The following CFAP99 variants were observed in gnomAD, a reference collection of about 807,000 sequenced individuals.
The protein encoded by CFAP99 is cilia- and flagella-associated protein 99.
CFAP99 carries 84 observed loss-of-function variants against 82.7 expected under a neutral mutation model. The ratio of observed to expected loss-of-function variants is 1.02; its 90% CI spans 0.85 to 1.22. The LOEUF is 1.22. CFAP99 is among the 50% of genes most tolerant of loss of function. The pLI, the probability that CFAP99 is intolerant of heterozygous loss-of-function variation, is 0.00. For synonymous variants in CFAP99, 456 were observed against 429.5 expected (o/e 1.06, Z -0.76); for missense variants, 1,059 against 983.5 (o/e 1.08, Z -1.03).
chr4:2,452,509 C>A (rs1049872499), intron 11 of CFAP99, among the ~76,000 whole-genome samples, 163 bp downstream of exon 11: 1 of 152,188 alleles, frequency 6.6e-6, no homozygotes, highest in South Asian at 2.1e-4. Context: ...GAAGGACACA[C>A]TGCCTAGGTG....
At chr4:2,441,379 A>G (rs937795968) in intron 4 of CFAP99, among the ~76,000 whole-genome samples, 8 of 151,798 alleles carry the variant, frequency 5.3e-5, no homozygotes, top group Non-Finnish European at 1.0e-4. Context: ...TCTCAAAAAA[A>G]AAAAAAAAAA....
In CFAP99 at chr4:2,462,706, G is replaced by A; in HGVS notation, c.1925G>A (p.Trp642Ter). Residue 642 changes from tryptophan (W) to a stop codon, truncating the protein, a stop_gained, in exon 15 of 15, where the codon TGG (tryptophan) becomes TAG (stop). Coordinates refer to ENST00000635017, the Ensembl canonical transcript of CFAP99. LOFTEE classifies it low-confidence loss of function (END_TRUNC). This position sits in a 1 kb window ranked among gnomAD's most constrained non-coding sequence, Gnocchi z 4.1. ...GGGACCGGCGTCCCGGGGCGGGGATGGCGGGGAGATCGGGTCCGGTCCGCG... is the reference window on the plus strand; with the variant it reads ...GGGACCGGCGTCCCGGGGCGGGGATAGCGGGGAGATCGGGTCCGGTCCGCG... 8.0e-7 allele frequency: 1 copy of A among 1,252,174 alleles called. No homozygotes were observed. The highest frequency in any genetic ancestry group is 1.0e-6 in the Non-Finnish European group (1 of 996,946). The allele number at this position is 1,252,174 out of a possible 1,614,324, so 77.6% of individuals were successfully genotyped here.
At chr4:2,420,011 C>T (rs985753101) in intron 1 of CFAP99, among the ~76,000 whole-genome samples, 2 of 152,038 alleles carry the variant, frequency 1.3e-5, no homozygotes, top group African/African-American at 4.8e-5. Context: ...CAGCGCTCAT[C>T]TCTTCCTTGA....
At chr4:2,447,588 A>G (rs1407660239) in intron 6 of CFAP99, among the ~76,000 whole-genome samples, 1 of 149,120 alleles carries the variant, frequency 6.7e-6, no homozygotes, top group Non-Finnish European at 1.5e-5. Flanking sequence ...TGGATGGATG[A>G]ATGGATGAAC....
rs919301580 is a variant in CFAP99, at chr4:2,426,451, G to A, written c.-17-8G>A. On this transcript the variant is annotated splice_polypyrimidine_tract_variant and splice_region_variant and intron_variant, in intron 1 of 14. Coordinates refer to ENST00000635017, the Ensembl canonical transcript of CFAP99. ...GTGGAGGGCGTGACCTGCACGGTTT[G>A]TTCTTAGGCTTCTGCCCTAAGAAGA... 4 of 1,506,518 alleles carry A rather than the reference G, an allele frequency of 2.7e-6. No homozygotes were observed. The highest frequency in any genetic ancestry group is 3.6e-6 in the Non-Finnish European group (4 of 1,120,166). 93.3% of individuals were successfully genotyped at this position (1,506,518 alleles called of 1,614,324 possible).
At chr4:2,440,841 G>C (rs935062709) in intron 4 of CFAP99, among the ~76,000 whole-genome samples, 4 of 151,746 alleles carry the variant, frequency 2.6e-5, no homozygotes, top group Admixed American at 2.6e-4. Flanking sequence ...TGATCCACCC[G>C]TCTCAGACTC....
intron 11 of CFAP99, among the ~76,000 whole-genome samples, chr4:2,454,581 C>CTTTTTTTTTTTGTTTTTTTT (rs1734378524): frequency 1.7e-4 from 16 of 94,708 alleles, no homozygotes; most frequent in East Asian, 8.2e-4. Flanking sequence ...TGTTTTTTTT[C>CTTTTTTTTTTTGTTTTTTTT]TTTTTTTTTT....
intron 4 of CFAP99, among the ~76,000 whole-genome samples, chr4:2,438,769 C>G (rs182459525): frequency 2.6e-3 from 388 of 152,146 alleles, no homozygotes; most frequent in Non-Finnish European, 4.3e-3. Flanking sequence ...GACCCCGTCT[C>G]TAAAAAACAA....
chr4:2,442,688 G>C (rs1734071612), intron 4 of CFAP99, among the ~76,000 whole-genome samples: 1 of 152,158 alleles, frequency 6.6e-6, no homozygotes, highest in Admixed American at 6.5e-5. Context: ...GACTGGACAA[G>C]GCCCTCCAAG....
chr4:2,459,469 T>TA (rs1734525984), intron 13 of CFAP99, among the ~76,000 whole-genome samples: 1 of 152,166 alleles, frequency 6.6e-6, no homozygotes, highest in African/African-American at 2.4e-5. Flanking sequence ...GGCACACACT[T>TA]AGCCAGTCCT....
At chr4:2,458,410 G>A (rs1456949776) in intron 11 of CFAP99, among the ~76,000 whole-genome samples, 11 of 152,038 alleles carry the variant, frequency 7.2e-5, no homozygotes, top group African/African-American at 4.8e-5. Context: ...AACAGCCTAC[G>A]TTGCTACTGG....
rs1294909971 is a variant in CFAP99 at position 2,458,754 on chromosome 4, G to C, written c.1193G>C (p.Arg398Thr). The C allele has an allele frequency of 1.6e-5, 24 of 1,535,626 alleles. No homozygotes were observed. The East Asian group carries it at 5.4e-4, about 34-fold the overall frequency. Residue 398 changes from arginine to threonine, a missense_variant, in exon 12 of 15, where the codon AGA becomes ACA. By Grantham distance (71) the Arg-to-Thr change is moderately conservative. Coordinates refer to ENST00000635017, the Ensembl canonical transcript of CFAP99. ...AAGCTGATGCTGCAGCGTGCAGAGA[G>C]ACGGCTCCGGGAGGACAGGTCCAGG...
rs112847652 is a variant in CFAP99, at chr4:2,437,014, C to G, written c.252C>G (p.Phe84Leu). ...GCCTGCGGGTTGACCACAGCCGCTT[C>G]GAGGGTAGGTGCCTGGCTGGTCCCC... The change falls in exon 3 of 15, where the codon TTC becomes TTG. Residue 84 changes from phenylalanine (F) to leucine (L), a missense_variant. Physicochemically the swap from Phe to Leu is conservative, Grantham distance 22 (BLOSUM62 0). Transcript: ENST00000635017. 12 of 1,535,862 alleles carry G rather than the reference C, an allele frequency of 7.8e-6. No individual in the cohort carries two copies. The highest frequency in any genetic ancestry group is 1.0e-5 in the Non-Finnish European group (12 of 1,146,830).
At chr4:2,427,781 G>T in intron 2 of CFAP99, 1 of 152,466 alleles carries the variant, frequency 6.6e-6, no homozygotes. Flanking sequence ...AGCTACCTCT[G>T]GGGCAGCCTC....
chr4:2,449,549 A>G (rs1420057317), intron 6 of CFAP99, 121 bp from the exon 7 acceptor site: 4 of 854,960 alleles, frequency 4.7e-6, no homozygotes, highest in Admixed American at 2.1e-5. Flanking sequence ...TTCTCCTCCA[A>G]TGCAGGCCGC....
intron 11 of CFAP99, among the ~76,000 whole-genome samples, chr4:2,456,363 A>G (rs1734434162): frequency 7.1e-6 from 1 of 141,540 alleles, no homozygotes; most frequent in East Asian, 2.1e-4. Flanking sequence ...TACTCTAGCA[A>G]TGGGGCTGGA....
intron 6 of CFAP99, 40 bp downstream of exon 6, chr4:2,445,348 A>G: frequency 2.3e-6 from 3 of 1,291,368 alleles, no homozygotes; most frequent in South Asian, 2.6e-5. Flanking sequence ...GCTTGCAGGC[A>G]TCAGGGTAGC....
intron 11 of CFAP99, among the ~76,000 whole-genome samples, chr4:2,456,661 A>G (rs1734444290): frequency 1.3e-5 from 2 of 152,030 alleles, no homozygotes; most frequent in African/African-American, 4.8e-5. Context: ...CTGGGATTAC[A>G]GGCATGCACC....
At chr4:2,442,282 C>T (rs890341348) in intron 4 of CFAP99, among the ~76,000 whole-genome samples, 6 of 151,536 alleles carry the variant, frequency 4.0e-5, no homozygotes, top group African/African-American at 9.7e-5. Context: ...ACCCCAGCCT[C>T]GGGGCAGGGA....
Sources: allele counts gnomAD v4.1 joint callset (sites outside exome capture counted in the v4.1 genomes callset), GRCh38; gene constraint gnomAD v4.1.1; non-coding constraint Gnocchi (gnomAD v3.1); transcripts MANE v1.5; gene names NCBI Gene and HGNC (gene_info 2026-07-23, HGNC 2026-07-21).